Variants in IL12RB2 observed in about 807,000 individuals in gnomAD.
The protein encoded by IL12RB2 is interleukin 12 receptor subunit beta 2.
A neutral mutation model predicts 89.4 loss-of-function variants in IL12RB2; 82 were observed. The ratio of observed to expected loss-of-function variants is 0.92; its 90% CI spans 0.77 to 1.10. The LOEUF (loss-of-function observed/expected upper bound fraction) is 1.10, where lower values mean the gene tolerates loss of function less well. Among genes scored for constraint, IL12RB2 ranks in the 50% least tolerant of loss-of-function variants. The pLI, the probability that IL12RB2 is intolerant of heterozygous loss-of-function variation, is 0.00. For synonymous variants in IL12RB2, 368 were observed against 370.1 expected, an observed-to-expected ratio of 0.99 and a Z score of 0.07; for missense variants, 963 against 1,031.9, an observed-to-expected ratio of 0.93 and a Z score of 0.92.
At chr1:67,342,868 T>C (rs1659815585) in intron 9 of IL12RB2, among the ~76,000 whole-genome samples, 1 of 97,166 alleles carries the variant, frequency 1.0e-5, no homozygotes. Context: ...CAAGTGATCC[T>C]CCCACCTCAG....
Position 67,337,377 on chromosome 1 carries a change from G to A in IL12RB2, c.959-1247G>A, listed in dbSNP as rs137879884. ...GTTGTTTCTGCTGGTTCCACTCCTG[G>A]CTGTAAATCAAAACAAATCTAAGTG... On this transcript the variant is annotated intron_variant, in intron 8 of 16. Coordinates refer to ENST00000674203, the MANE Select transcript of IL12RB2 (RefSeq NM_001374259.2). 1.7e-4 allele frequency among the ~76,000 whole-genome samples: 26 copies of A among 152,252 alleles called. 1 individual carries two copies. The East Asian group carries it at 4.6e-3, about 27-fold the overall frequency.
At chr1:67,366,855 G>GA (rs1288720218) in intron 10 of IL12RB2, among the ~76,000 whole-genome samples, 3 of 152,110 alleles carry the variant, frequency 2.0e-5, no homozygotes, top group African/African-American at 7.2e-5. Context: ...GTAGCAATCT[G>GA]AAAAAATGAG....
chr1:67,386,872 T>TTATATATATATATATATATA (rs1179774666), intron 15 of IL12RB2, among the ~76,000 whole-genome samples: 1 of 48,430 alleles, frequency 2.1e-5, no homozygotes, highest in Non-Finnish European at 4.5e-5. Flanking sequence ...GAAATGTATT[T>TTATATATATATATATATATA]TATATATATA....
At chr1:67,310,815 C>A (rs1444396853) in intron 1 of IL12RB2, among the ~76,000 whole-genome samples, 1 of 152,144 alleles carries the variant, frequency 6.6e-6, no homozygotes, top group Non-Finnish European at 1.5e-5. Flanking sequence ...ACCTCTGCCT[C>A]CCGGGTTCAG....
chr1:67,351,786 C>T (rs1004556875), intron 10 of IL12RB2, among the ~76,000 whole-genome samples: 1 of 152,158 alleles, frequency 6.6e-6, no homozygotes, highest in Non-Finnish European at 1.5e-5. Flanking sequence ...GATGTAGAGT[C>T]TCACATTTTA....
chr1:67,330,656 C>A lies in IL12RB2; in HGVS notation c.808-4C>A. On this transcript the variant is annotated splice_region_variant and splice_polypyrimidine_tract_variant and intron_variant, in intron 7 of 16. Coordinates refer to ENST00000674203, the MANE Select transcript of IL12RB2 (RefSeq NM_001374259.2). ...AGGCACTTTAAAAAAATGTCTGTTT[C>A]AAGGTTAATGTTACAAAGGCCAAAG... 6.9e-7 allele frequency: 1 copy of A among 1,459,218 alleles called. No individual in the cohort carries two copies. Among genetic ancestry groups the A allele is most frequent in the Non-Finnish European group, 9.6e-7 (1 of 1,041,786 alleles). 90.4% of individuals were successfully genotyped at this position (1,459,218 alleles called of 1,614,324 possible). A position where few individuals can be genotyped will look rare whatever the true frequency, so the allele number is the denominator to read the frequency against.
At chr1:67,375,747 T>C (rs1663891166) in intron 13 of IL12RB2, among the ~76,000 whole-genome samples, 1 of 152,128 alleles carries the variant, frequency 6.6e-6, no homozygotes, top group African/African-American at 2.4e-5. Context: ...TAATGAGTTA[T>C]ATGGGTGGTT....
intron 8 of IL12RB2, among the ~76,000 whole-genome samples, chr1:67,335,190 A>G (rs1658605768): frequency 1.3e-5 from 2 of 152,210 alleles, no homozygotes; most frequent in Admixed American, 1.3e-4. Flanking sequence ...AATACAGTGT[A>G]TCTGCAAGGG....
In IL12RB2 at chr1:67,330,681, G is replaced by A. The variant is rs762145325; in HGVS notation, c.829G>A (p.Gly277Arg). 8 of 1,552,812 alleles carry A rather than the reference G, an allele frequency of 5.2e-6. No homozygotes were observed. The highest frequency in any genetic ancestry group is 4.5e-5 in the East Asian group (2 of 44,442). Residue 277 changes from glycine (G) to arginine (R), a missense_variant, in exon 8 of 17, where the codon GGA becomes AGA. By Grantham distance (125) the Gly-to-Arg change is moderately radical (BLOSUM62 -2). Transcript: ENST00000674203. ...CAAGGTTAATGTTACAAAGGCCAAA[G>A]GAAGACATGATTTGCTGGATCTGAA... is the stretch of plus-strand genomic sequence containing the variant. ...WNMVNVTKAK[G>R]RHDLLDLKPF...
Position 67,372,787 on chromosome 1 carries a change from T to C in IL12RB2, c.1717+4T>C. On this transcript the variant is annotated splice_donor_region_variant and intron_variant, in intron 13 of 16. Coordinates refer to ENST00000674203, the MANE Select transcript of IL12RB2 (RefSeq NM_001374259.2). ...AACTCCCAGCCTCAGCTCTGTGGTATGTGTGAGAACCAAATGCAGTGAGTG... is the reference window on the plus strand; with the variant it reads ...AACTCCCAGCCTCAGCTCTGTGGTACGTGTGAGAACCAAATGCAGTGAGTG... 6.3e-7 allele frequency: 1 copy of C among 1,599,976 alleles called. No individual in the cohort carries two copies. Among genetic ancestry groups the C allele is most frequent in the Non-Finnish European group, 8.6e-7 (1 of 1,167,204 alleles).
At chr1:67,341,728 T>A (rs1241326711) in intron 9 of IL12RB2, among the ~76,000 whole-genome samples, 1 of 152,218 alleles carries the variant, frequency 6.6e-6, no homozygotes, top group Non-Finnish European at 1.5e-5. Context: ...GAAAGTTGGA[T>A]GCAGTCCTAT....
At chr1:67,310,966 G>C (rs1654975806) in intron 1 of IL12RB2, among the ~76,000 whole-genome samples, 3 of 152,030 alleles carry the variant, frequency 2.0e-5, no homozygotes, top group Admixed American at 2.0e-4. Context: ...CTCGTGATCT[G>C]CCCGCCTCAG....
chr1:67,320,947 G>C (rs540884441), intron 3 of IL12RB2, among the ~76,000 whole-genome samples: 39 of 121,302 alleles, frequency 3.2e-4, no homozygotes, highest in African/African-American at 1.2e-3. Flanking sequence ...CCGTGTCCAT[G>C]TGTTCTCATT....
At chr1:67,387,771 C>G (rs951707481) in intron 15 of IL12RB2, among the ~76,000 whole-genome samples, 1 of 151,684 alleles carries the variant, frequency 6.6e-6, no homozygotes, top group African/African-American at 2.4e-5. Flanking sequence ...TAAAAGGCAG[C>G]CTGCCAAACA....
rs2307146 is a variant in IL12RB2 at position 67,328,273 on chromosome 1, A to G, written c.553A>G (p.Ile185Val). 848 of 1,614,192 alleles carry G rather than the reference A, an allele frequency of 5.3e-4. 4 individuals carry two copies. In the African/African-American group the frequency reaches 8.3e-3, roughly 16 times the overall value. ...DIYCDYLDFG[I>V]NLTPESPESN... ...TTATTGTGACTATTTGGACTTTGGA[A>G]TCAACCTCACCCCTGAATCACCTGA... is the stretch of plus-strand genomic sequence containing the variant. Residue 185 changes from isoleucine (I) to valine (V), a missense_variant, in exon 6 of 17, where the codon ATC (isoleucine) becomes GTC (valine). Coordinates refer to ENST00000674203, the MANE Select transcript of IL12RB2 (RefSeq NM_001374259.2).
At chr1:67,350,458 T>C (rs1660704757) in intron 9 of IL12RB2, among the ~76,000 whole-genome samples, 1 of 152,250 alleles carries the variant, frequency 6.6e-6, no homozygotes, top group Admixed American at 6.5e-5. Flanking sequence ...GTGTGTGTGA[T>C]TTACAAATTT....
Position 67,380,059 on chromosome 1 carries a change from G to A in IL12RB2, c.1791G>A (p.Trp597Ter). 1 of 1,614,006 alleles carries A rather than the reference G, an allele frequency of 6.2e-7. No homozygotes were observed. The highest frequency in any genetic ancestry group is 8.5e-7 in the Non-Finnish European group (1 of 1,179,872). ...AGCCCCGAGTGACATATGTCCTGTG[G>A]ATGACAGCTCTGACAGCTGCTGGTG... ...SLQPRVTYVL[W>*]MTALTAAGES... Residue 597 changes from tryptophan to a stop codon, truncating the protein, a stop_gained, in exon 14 of 17, where the codon TGG (tryptophan) becomes TGA (stop). Transcript: ENST00000674203. LOFTEE classifies it high-confidence loss of function.
intron 14 of IL12RB2, among the ~76,000 whole-genome samples, chr1:67,383,523 T>G (rs1212029075): frequency 6.6e-6 from 1 of 152,128 alleles, no homozygotes; most frequent in Non-Finnish European, 1.5e-5. Flanking sequence ...AAAGCAAGTC[T>G]TTTCCACCTA....
intron 2 of IL12RB2, among the ~76,000 whole-genome samples, chr1:67,314,649 T>A (rs1422910700): frequency 6.6e-6 from 1 of 152,122 alleles, no homozygotes; most frequent in Non-Finnish European, 1.5e-5. Flanking sequence ...TCTGCCAACA[T>A]GAGATTATCA....
Sources: gnomAD v4.1 joint callset for allele counts (sites outside exome capture counted in the v4.1 genomes callset) on GRCh38, gnomAD v4.1.1 for gene constraint, MANE v1.5 for transcripts, NCBI Gene and HGNC (gene_info 2026-07-23, HGNC 2026-07-21) for gene names.